ERCC4: variants seen among roughly 807,000 people sequenced by gnomAD.
ERCC4 encodes the protein ERCC excision repair 4, endonuclease catalytic subunit, also known as DNA repair endonuclease XPF.
A neutral mutation model predicts 76.9 loss-of-function variants in ERCC4; 65 were observed. That is an observed-to-expected ratio of 0.84 (90% CI 0.69 to 1.04). ERCC4 has a LOEUF of 1.04. ERCC4 is among the 50% of genes least tolerant of loss of function. The pLI, the probability that ERCC4 is intolerant of heterozygous loss-of-function variation, is 0.00. For missense variants in ERCC4, 1,214 were observed against 1,128.2 expected (o/e 1.08, Z -1.09); for synonymous variants, 463 against 410.1 (o/e 1.13, Z -1.56).
At chr16:13,938,581 C>T (rs1263297778) in intron 9 of ERCC4, among the ~76,000 whole-genome samples, 1 of 152,142 alleles carries the variant, frequency 6.6e-6, no homozygotes, top group East Asian at 1.9e-4. Context: ...CTAAGGGCCT[C>T]AGAAGCCAGG....
In ERCC4 at chr16:13,930,682, G is replaced by T. The variant is rs1311431887; in HGVS notation, c.793-28G>T. The T allele has an allele frequency of 1.9e-6, 3 of 1,545,600 alleles. No individual in the cohort carries two copies. The Admixed American group carries it at 5.0e-5, about 26-fold the overall frequency. ...GAATAACTATACTTAACATATTTTAGCAATACCAAATTTTATTCTTGTTTT... is the reference window on the plus strand; with the variant it reads ...GAATAACTATACTTAACATATTTTATCAATACCAAATTTTATTCTTGTTTT... On this transcript the variant is annotated intron_variant, in intron 4 of 10. Transcript: ENST00000311895.
At chr16:13,941,522 T>A (rs1466210346) in intron 9 of ERCC4, among the ~76,000 whole-genome samples, 1 of 152,184 alleles carries the variant, frequency 6.6e-6, no homozygotes, top group East Asian at 1.9e-4. Flanking sequence ...ATGGGTGATG[T>A]TGTAAGAACA....
At position 13,951,845 on chromosome 16, in the gene ERCC4, T is replaced by C. The variant is rs1327307009; in HGVS notation, c.*3498T>C. On this transcript the variant is annotated 3_prime_UTR_variant, in exon 11 of 11. Transcript: ENST00000311895. ...ACTCATTTGGGGAAATTCTCTTTTGTGTTCAGTTTAACCTAGAAAGGTCCT... is the reference window on the plus strand; with the variant it reads ...ACTCATTTGGGGAAATTCTCTTTTGCGTTCAGTTTAACCTAGAAAGGTCCT... The C allele has an allele frequency of 1.3e-5, 3 of 222,492 alleles. No individual in the cohort carries two copies. The Admixed American group carries it at 1.7e-4, about 13-fold the overall frequency. 13.8% of individuals were successfully genotyped at this position (222,492 alleles called of 1,614,324 possible).
chr16:13,920,808 G>A lies in ERCC4; in HGVS notation c.207+436G>A, dbSNP rs2031958949. ...AATGGGAGGGGTCCCCAGGGGATGC[G>A]GGTCCCTGACACTGTGCAGGCACAG... is the stretch of plus-strand genomic sequence containing the variant. On this transcript the variant is annotated intron_variant, in intron 1 of 10. Transcript: ENST00000311895. 2.0e-5 allele frequency among the ~76,000 whole-genome samples: 3 copies of A among 151,612 alleles called. No individual in the cohort carries two copies. In the South Asian group the frequency reaches 6.3e-4, roughly 32 times the overall value.
chr16:13,934,891 C>A, intron 7 of ERCC4: 1 of 404,736 alleles, frequency 2.5e-6, no homozygotes. Flanking sequence ...TTTAAAGCCC[C>A]AATTACACCA....
At chr16:13,939,843 T>C (rs979093661) in intron 9 of ERCC4, among the ~76,000 whole-genome samples, 9 of 152,204 alleles carry the variant, frequency 5.9e-5, no homozygotes, top group African/African-American at 2.2e-4. Flanking sequence ...GAATTGGTGA[T>C]ACTGGATGTG....
At chr16:13,943,601 G>T (rs3136198) in intron 9 of ERCC4, among the ~76,000 whole-genome samples, 1 of 152,208 alleles carries the variant, frequency 6.6e-6, no homozygotes, top group African/African-American at 2.4e-5. Flanking sequence ...TTTGCGTGGG[G>T]ACCCAGCCAG....
intron 9 of ERCC4, among the ~76,000 whole-genome samples, chr16:13,942,474 C>A (rs569683414): frequency 3.3e-5 from 5 of 152,158 alleles, no homozygotes; most frequent in Non-Finnish European, 7.4e-5. Context: ...GAAGAGATTA[C>A]CACGTTATAA....
Position 13,947,948 on chromosome 16 carries a change from T to G in ERCC4, c.2352T>G (p.Ile784Met). The change falls in exon 11 of 11, where the codon ATT becomes ATG. Residue 784 changes from isoleucine (I) to methionine (M), a missense_variant. Transcript: ENST00000311895. ...ALFQEISSND[I>M]SSKLTLLTLH... The stretch of plus-strand genomic sequence containing the variant: ...TTCAGGAGATCTCCAGCAATGACAT[T>G]AGTTCCAAACTCACTCTTCTTACAC... 4 of 1,614,156 alleles carry G rather than the reference T, an allele frequency of 2.5e-6. No individual in the cohort carries two copies. The highest frequency in any genetic ancestry group is 3.4e-6 in the Non-Finnish European group (4 of 1,180,032).
At chr16:13,940,589 C>T (rs904029783) in intron 9 of ERCC4, among the ~76,000 whole-genome samples, 1 of 152,160 alleles carries the variant, frequency 6.6e-6, no homozygotes, top group Non-Finnish European at 1.5e-5. Context: ...TGAGTCCCCA[C>T]ATTTTTACTG....
rs1453967299 is a variant in ERCC4, at chr16:13,930,802, G to T, written c.885G>T (p.Leu295=). Residue 295 remains leucine, a synonymous_variant, in exon 5 of 11, where the codon CTG becomes CTT. Coordinates refer to ENST00000311895, the MANE Select transcript of ERCC4 (RefSeq NM_005236.3). ...ATTTGAAGATATTACGAACTTTGCT[G>T]CAGTATCTCTCTCAGTATGATTGTG... ...VQDLKILRTL[L]QYLSQYDCVT... 6.2e-7 allele frequency: 1 copy of T among 1,611,706 alleles called. No homozygotes were observed. The highest frequency in any genetic ancestry group is 8.5e-7 in the Non-Finnish European group (1 of 1,177,904).
intron 4 of ERCC4, among the ~76,000 whole-genome samples, chr16:13,930,487 A>C (rs2032151431): frequency 6.6e-6 from 1 of 152,174 alleles, no homozygotes. Context: ...TATATTTGAA[A>C]ATTTAAACAT....
At chr16:13,934,163 T>G (rs762552677) in intron 6 of ERCC4, 29 bp from the exon 7 acceptor site, 4 of 1,429,600 alleles carry the variant, frequency 2.8e-6, no homozygotes, top group Non-Finnish European at 3.0e-6. Flanking sequence ...TATTATCACA[T>G]AGAATGAGAT....
At position 13,935,218 on chromosome 16, in the gene ERCC4, A is replaced by C; in HGVS notation, c.1286A>C (p.Glu429Ala). 6.2e-7 allele frequency: 1 copy of C among 1,614,088 alleles called. No homozygotes were observed. The highest frequency in any genetic ancestry group is 8.5e-7 in the Non-Finnish European group (1 of 1,179,996). Residue 429 changes from glutamate to alanine, a missense_variant, in exon 8 of 11, where the codon GAG becomes GCG. Physicochemically the swap from Glu to Ala is moderately radical, Grantham distance 107. Transcript: ENST00000311895. ...AGAGACTATATCACTCTTGGAGCGG[A>C]GGCCTTCTTATTGAGGCTCTACAGG... ...QLRDYITLGA[E>A]AFLLRLYRKT... is the part of the protein sequence containing the mutation.
rs1285677488 is a variant in ERCC4 at position 13,924,225 on chromosome 16, T to C, written c.388+2014T>C. ...GCTGAATCCCCCAGCCCCAACTTCTTCACCTGTCACCACCCATTATTACCA... is the reference window on the plus strand; with the variant it reads ...GCTGAATCCCCCAGCCCCAACTTCTCCACCTGTCACCACCCATTATTACCA... On this transcript the variant is annotated intron_variant, in intron 2 of 10. Coordinates refer to ENST00000311895, the MANE Select transcript of ERCC4 (RefSeq NM_005236.3). Among the ~76,000 whole-genome samples, 4 of 152,252 alleles carry C rather than the reference T, an allele frequency of 2.6e-5. No individual in the cohort carries two copies. The East Asian group carries it at 7.7e-4, about 29-fold the overall frequency.
chr16:13,935,444 G>A lies in ERCC4; in HGVS notation c.1512G>A (p.Leu504=). ...AAATGGTAGGAAAACCTGAAGAACT[G>A]GAAGAGGAAGGAGATGTCGAGGAAG... is the stretch of plus-strand genomic sequence containing the variant. ...LTQMVGKPEE[L]EEEGDVEEGY... The change falls in exon 8 of 11, where the codon CTG becomes CTA. Residue 504 remains leucine (L), a synonymous_variant. Coordinates refer to ENST00000311895, the MANE Select transcript of ERCC4 (RefSeq NM_005236.3). 1 of 1,614,096 alleles carries A rather than the reference G, an allele frequency of 6.2e-7. No homozygotes were observed. The highest frequency in any genetic ancestry group is 2.2e-5 in the East Asian group (1 of 44,888).
chr16:13,944,686 T>A, intron 9 of ERCC4, 37 bp from the exon 10 acceptor site: 1 of 1,351,560 alleles, frequency 7.4e-7, no homozygotes, highest in South Asian at 1.2e-5. Flanking sequence ...AATTTTGAAA[T>A]TTGTTTCAGA....
At chr16:13,931,959 GC>G (rs1206493481) in intron 5 of ERCC4, 197 bp from the exon 6 acceptor site, 1 of 593,198 alleles carries the variant, frequency 1.7e-6, no homozygotes, top group African/African-American at 1.9e-5. Context: ...TATCTTGGGG[GC>G]CCCTGGGAGT....
At chr16:13,923,928 A>C (rs1318177457) in intron 2 of ERCC4, among the ~76,000 whole-genome samples, 1 of 152,192 alleles carries the variant, frequency 6.6e-6, no homozygotes, top group Non-Finnish European at 1.5e-5. Context: ...ACTTTCAGTT[A>C]CAGTGCAACC....
Sources: allele counts gnomAD v4.1 joint callset (sites outside exome capture counted in the v4.1 genomes callset), GRCh38; gene constraint gnomAD v4.1.1; transcripts MANE v1.5; gene names NCBI Gene and HGNC (gene_info 2026-07-23, HGNC 2026-07-21).